FOXP3: variants seen among roughly 807,000 people sequenced by gnomAD.
FOXP3 encodes forkhead box protein P3.
A neutral mutation model predicts 31.2 loss-of-function variants in FOXP3; 5 were observed. The ratio of observed to expected loss-of-function variants is 0.16; its 90% CI spans 0.08 to 0.34. FOXP3 has a LOEUF of 0.34. FOXP3 is among the 10% of genes least tolerant of loss of function. The probability of loss-of-function intolerance (pLI) is 1.00; values close to 1 mark genes in which losing one functional copy is unlikely to be tolerated. For missense variants in FOXP3, 251 were observed against 363.0 expected, an observed-to-expected ratio of 0.69 and a Z score of 2.51; for synonymous variants, 141 against 148.8, an observed-to-expected ratio of 0.95 and a Z score of 0.38.
In FOXP3 at chrX:49,257,483, G is replaced by A. The variant is rs782511378; in HGVS notation, c.398C>T (p.Pro133Leu). ...LESPAMISLT[P>L]PTTATGVFSL... ...GAAGACCCCAGTGGCGGTGGTGGGT[G>A]GTGTGAGGCTGATCATGGCTGGGCT... is the stretch of plus-strand genomic sequence containing the variant. The change falls in exon 4 of 12, where the codon CCA becomes CTA. Residue 133 changes from proline (P) to leucine (L), a missense_variant. Pro to Leu is a moderately conservative substitution (Grantham distance 98). Around this residue, in one of 4 missense-constraint regions of FOXP3, gnomAD observed 152 missense variants for 188.1 expected, o/e 0.81. Coordinates refer to ENST00000376207, the MANE Select transcript of FOXP3 (RefSeq NM_014009.4). The A allele has an allele frequency of 2.6e-6, 3 of 1,148,644 alleles. No individual in the cohort carries two copies. In the East Asian group the frequency reaches 9.1e-5, roughly 35 times the overall value. The allele number at this position is 1,148,644 out of a possible 1,213,427, so 94.7% of individuals were successfully genotyped here.
chrX:49,258,584 C>T (rs782527727), intron 1 of FOXP3, 57 bp from the exon 2 acceptor site: 7 of 958,333 alleles, frequency 7.3e-6, no homozygotes, highest in East Asian at 3.4e-5. Context: ...ATGAGATACT[C>T]GACCACCTGA....
intron 1 of FOXP3, among the ~76,000 whole-genome samples, chrX:49,264,200 G>A (rs1476836134): frequency 3.6e-5 from 4 of 111,042 alleles, no homozygotes; most frequent in Admixed American, 9.5e-5. Context: ...TGAGTGTAGC[G>A]ACAGACAGAT....
intron 6 of FOXP3, 45 bp downstream of exon 6, chrX:49,256,706 C>G: frequency 8.8e-7 from 1 of 1,131,490 alleles, no homozygotes. Context: ...AGACCTCTCC[C>G]CACAAGCCAG....
rs782171344 is a variant in FOXP3 at position 49,250,447 on chromosome X, C to T, written c.*887G>A. 4.6e-5 allele frequency: 23 copies of T among 504,018 alleles called. No individual in the cohort carries two copies. The highest frequency in any genetic ancestry group is 3.3e-4 in the Middle Eastern group (1 of 3,055). The allele number at this position is 504,018 out of a possible 1,213,427, so 41.5% of individuals were successfully genotyped here. On this transcript the variant is annotated 3_prime_UTR_variant, in exon 12 of 12. Coordinates refer to ENST00000376207, the MANE Select transcript of FOXP3 (RefSeq NM_014009.4). ...GTGATAGTCCAGCATGTGGGGAGCT[C>T]GGCTGCAGTTTATTGGGGACGGTAC...
At chrX:49,260,127 G>A (rs2066101584) in intron 1 of FOXP3, among the ~76,000 whole-genome samples, 1 of 111,417 alleles carries the variant, frequency 9.0e-6, no homozygotes, top group Non-Finnish European at 1.9e-5. Context: ...TGGAGGCTCC[G>A]AACAAGGGCC....
chrX:49,258,843 C>T (rs2066093283), intron 1 of FOXP3, among the ~76,000 whole-genome samples: 1 of 112,583 alleles, frequency 8.9e-6, no homozygotes, highest in African/African-American at 3.2e-5. Context: ...TCCCCCTCCA[C>T]TTGAGAGCTG....
Position 49,258,509 on chromosome X carries a change from G to T in FOXP3, c.-4C>A. On this transcript the variant is annotated 5_prime_UTR_variant, in exon 2 of 12. Transcript: ENST00000376207. ...TGCCAGGCCTGGGGTTGGGCATCGGGTCCTTGTCCAAGGGCAGGCTGCGTA... is the reference window on the plus strand; with the variant it reads ...TGCCAGGCCTGGGGTTGGGCATCGGTTCCTTGTCCAAGGGCAGGCTGCGTA... 2 of 1,161,971 alleles carry T rather than the reference G, an allele frequency of 1.7e-6. No individual in the cohort carries two copies. Among genetic ancestry groups the T allele is most frequent in the Non-Finnish European group, 2.3e-6 (2 of 868,583 alleles).
Position 49,250,660 on chromosome X carries a change from G to A in FOXP3, c.*674C>T, listed in dbSNP as rs2066023481. The A allele has an allele frequency of 3.5e-6, 1 of 286,634 alleles. No individual in the cohort carries two copies. The highest frequency in any genetic ancestry group is 3.4e-5 in the South Asian group (1 of 29,189). 23.6% of individuals were successfully genotyped at this position (286,634 alleles called of 1,213,427 possible). Reference sequence around the variant, plus strand: ...CTCAAGAGACCCACTGGGGGGCTGTGCGTGTGCATATGCGTGAGATACACA... The same window carrying A: ...CTCAAGAGACCCACTGGGGGGCTGTACGTGTGCATATGCGTGAGATACACA... On this transcript the variant is annotated 3_prime_UTR_variant, in exon 12 of 12. Coordinates refer to ENST00000376207, the MANE Select transcript of FOXP3 (RefSeq NM_014009.4).
At chrX:49,252,297 G>A (rs1672743204) in intron 10 of FOXP3, among the ~76,000 whole-genome samples, 1 of 110,428 alleles carries the variant, frequency 9.1e-6, no homozygotes, top group Admixed American at 9.7e-5. Flanking sequence ...TTGAATTATC[G>A]AGTATCTTAC....
chrX:49,257,678 G>A lies in FOXP3; in HGVS notation c.301C>T (p.His101Tyr). The A allele has an allele frequency of 8.5e-7, 1 of 1,182,261 alleles. No homozygotes were observed. The highest frequency in any genetic ancestry group is 1.1e-6 in the Non-Finnish European group (1 of 879,892). The change falls in exon 3 of 12, where the codon CAT (histidine) becomes TAT (tyrosine). Residue 101 changes from histidine to tyrosine, a missense_variant. By Grantham distance (83) the His-to-Tyr change is moderately conservative. Around this residue, in one of 4 missense-constraint regions of FOXP3, gnomAD observed 152 missense variants for 188.1 expected, o/e 0.81. Coordinates refer to ENST00000376207, the MANE Select transcript of FOXP3 (RefSeq NM_014009.4). ...HLQALLQDRP[H>Y]FMHQLSTVDA... ...ACCGTCCATACCTGGTGCATGAAATGTGGCCTGTCCTGGAGGAGTGCCTGT... is the reference window on the plus strand; with the variant it reads ...ACCGTCCATACCTGGTGCATGAAATATGGCCTGTCCTGGAGGAGTGCCTGT...
intron 4 of FOXP3, 24 bp downstream of exon 4, chrX:49,257,403 A>T (rs782693232): frequency 1.4e-5 from 16 of 1,130,868 alleles, no homozygotes; most frequent in African/African-American, 1.8e-5. Flanking sequence ...CTGTGAAGCC[A>T]TGGGGTACGG....
rs200204594 is a variant in FOXP3 at position 49,263,852 on chromosome X, G to GC, written c.-23+808dup. On this transcript the variant is annotated intron_variant, in intron 1 of 11. Coordinates refer to ENST00000376207, the MANE Select transcript of FOXP3 (RefSeq NM_014009.4). ...TTGACAATGGTGTGAAGTGCTCCCTGCCCCCCCGCCCCAAGGGTCTCCTCT... is the reference window on the plus strand; with the variant it reads ...TTGACAATGGTGTGAAGTGCTCCCTGCCCCCCCCGCCCCAAGGGTCTCCTCT... Among the ~76,000 whole-genome samples the GC allele has an allele frequency of 0.013, 1,432 of 110,214 alleles. 12 individuals carry two copies. Among genetic ancestry groups the GC allele is most frequent in the Middle Eastern group, 0.023 (5 of 217 alleles).
chrX:49,263,003 AC>A (rs2066118737), intron 1 of FOXP3, among the ~76,000 whole-genome samples: 1 of 111,602 alleles, frequency 9.0e-6, no homozygotes, highest in South Asian at 3.7e-4. Context: ...ATCACAAAAA[AC>A]ACCATAAACA....
chrX:49,257,587 T>C, intron 3 of FOXP3, 22 bp from the exon 4 acceptor site: 1 of 1,195,513 alleles, frequency 8.4e-7, no homozygotes, highest in East Asian at 3.0e-5. Flanking sequence ...ATGTGGGCTG[T>C]GGTTCAGCCT....
At chrX:49,253,510 C>T (rs1044142016) in intron 9 of FOXP3, among the ~76,000 whole-genome samples, 2 of 113,082 alleles carry the variant, frequency 1.8e-5, no homozygotes, top group African/African-American at 6.4e-5. Flanking sequence ...AGCCCACAGG[C>T]CAGGCCTGGT....
chrX:49,252,844 G>C (rs2066042586), intron 10 of FOXP3, among the ~76,000 whole-genome samples: 1 of 110,197 alleles, frequency 9.1e-6, no homozygotes, highest in South Asian at 3.9e-4. Context: ...GAGAGGGTTA[G>C]GTATGGGGCT....
chrX:49,258,248 G>T, intron 2 of FOXP3, 48 bp downstream of exon 2: 1 of 1,048,758 alleles, frequency 9.5e-7, no homozygotes, highest in Non-Finnish European at 1.3e-6. Flanking sequence ...GCACCTGTAG[G>T]TCCAGGTACC....
chrX:49,250,516 C>T lies in FOXP3; in HGVS notation c.*818G>A, dbSNP rs1157985459. 2.1e-6 allele frequency: 1 copy of T among 465,287 alleles called. No individual in the cohort carries two copies. Among genetic ancestry groups the T allele is most frequent in the African/African-American group, 2.4e-5 (1 of 42,401 alleles). 38.3% of individuals were successfully genotyped at this position (465,287 alleles called of 1,213,427 possible). A position where few individuals can be genotyped will look rare whatever the true frequency, so the allele number is the denominator to read the frequency against. ...GATCCCAAATAAATGAGTAGTTCCT[C>T]TGCAGTCTAAGCTGAGGCATGGATC... On this transcript the variant is annotated 3_prime_UTR_variant, in exon 12 of 12. Coordinates refer to ENST00000376207, the MANE Select transcript of FOXP3 (RefSeq NM_014009.4).
chrX:49,259,193 T>C (rs1438038044), intron 1 of FOXP3: 1 of 525,906 alleles, frequency 1.9e-6, no homozygotes, highest in East Asian at 3.6e-5. Context: ...GGGTTTTAGC[T>C]TGAGCAGCTG....
Sources: allele counts gnomAD v4.1 joint callset (sites outside exome capture counted in the v4.1 genomes callset), GRCh38; gene constraint gnomAD v4.1.1; regional missense constraint gnomAD v4.1.1; transcripts MANE v1.5; gene names NCBI Gene and HGNC (gene_info 2026-07-23, HGNC 2026-07-21).